The following PTAFR variants were observed in gnomAD, a reference collection of about 807,000 sequenced individuals.
PTAFR encodes platelet activating factor receptor, also known as platelet-activating factor receptor.
PTAFR carries 8 observed loss-of-function variants against 14.7 expected under a neutral mutation model. The observed-to-expected ratio is 0.54, with a 90% confidence interval of 0.32 to 0.98. PTAFR has a LOEUF of 0.98. Ranked by LOEUF, PTAFR falls within the 50% of genes least tolerant of loss-of-function variation. The probability of loss-of-function intolerance (pLI) is 0.04; values close to 1 mark genes in which losing one functional copy is unlikely to be tolerated. For missense variants in PTAFR, 337 were observed against 451.2 expected (o/e 0.75, Z 2.29); for synonymous variants, 156 against 176.5 (o/e 0.88, Z 0.92).
At position 28,189,456 on chromosome 1, in the gene PTAFR, T is replaced by A. The variant is rs371929109; in HGVS notation, c.-39+4266A>T. 7.3e-5 allele frequency among the ~76,000 whole-genome samples: 11 copies of A among 151,340 alleles called. No homozygotes were observed. The East Asian group carries it at 7.9e-4, about 11-fold the overall frequency. ...GTAAAACCCCATCTCTACTTTTTAA[T>A]ACAAAAATTAGCCGGGCATGGTGGC... On this transcript the variant is annotated intron_variant, in intron 1 of 1. Transcript: ENST00000305392.
upstream of PTAFR, among the ~76,000 whole-genome samples, chr1:28,179,195 C>G (rs1307549452): frequency 6.6e-6 from 1 of 152,132 alleles, no homozygotes; most frequent in Admixed American, 6.6e-5. Context: ...AACAGTTTCA[C>G]CTCAGCCCTC....
chr1:28,177,568 T>G (rs564947242), upstream of PTAFR, among the ~76,000 whole-genome samples: 4 of 152,314 alleles, frequency 2.6e-5, no homozygotes, highest in Admixed American at 6.5e-5. Flanking sequence ...GTTTGTTTTT[T>G]TGTTCATGCG....
At chr1:28,166,042 C>T (rs1646381806) in intron 1 of PTAFR, among the ~76,000 whole-genome samples, 1 of 152,126 alleles carries the variant, frequency 6.6e-6, no homozygotes, top group Admixed American at 6.6e-5. Context: ...TGAAAGACAA[C>T]TCCTGATTTC....
rs146272127 is a variant in PTAFR at position 28,188,271 on chromosome 1, C to T, written c.-39+5451G>A. 8.6e-3 allele frequency among the ~76,000 whole-genome samples: 1,313 copies of T among 152,276 alleles called. 23 individuals are homozygous for T. Among genetic ancestry groups the T allele is most frequent in the East Asian group, 0.012 (62 of 5,190 alleles). On this transcript the variant is annotated intron_variant, in intron 1 of 1. Transcript: ENST00000305392. ...GACCAGCTTGGGCAACGTATCAAGA[C>T]GCTGTCTCTACTAAAAATACAAAAA...
intron 1 of PTAFR, among the ~76,000 whole-genome samples, chr1:28,166,178 G>A (rs1646383089): frequency 6.6e-6 from 1 of 152,126 alleles, no homozygotes; most frequent in South Asian, 2.1e-4. Flanking sequence ...AATAATCTTT[G>A]ACAAGAGGAC....
chr1:28,193,602 A>T (rs1646674778), intron 1 of PTAFR: 1 of 153,244 alleles, frequency 6.5e-6, no homozygotes, highest in African/African-American at 2.4e-5. Flanking sequence ...ACAGGAGGGA[A>T]ATCAGACATC....
chr1:28,192,637 G>A (rs748878140), intron 1 of PTAFR, among the ~76,000 whole-genome samples: 1 of 146,978 alleles, frequency 6.8e-6, no homozygotes, highest in Non-Finnish European at 1.5e-5. Context: ...TAAATGCTGG[G>A]TTTTTTTTTT....
chr1:28,164,785 C>G (rs1646363773), intron 1 of PTAFR, among the ~76,000 whole-genome samples: 1 of 152,202 alleles, frequency 6.6e-6, no homozygotes, highest in Non-Finnish European at 1.5e-5. Context: ...ACCTGTCTTA[C>G]AGCCTGAGAA....
At chr1:28,171,101 T>A (rs935254489) in intron 1 of PTAFR, among the ~76,000 whole-genome samples, 4 of 152,012 alleles carry the variant, frequency 2.6e-5, no homozygotes. Flanking sequence ...GGCAGGCAGA[T>A]CACCTGAGGT....
chr1:28,171,682 G>A (rs997922277), intron 1 of PTAFR, among the ~76,000 whole-genome samples: 1 of 152,160 alleles, frequency 6.6e-6, no homozygotes, highest in African/African-American at 2.4e-5. Flanking sequence ...AGAGGTTACG[G>A]ACAGGGTCTA....
intron 1 of PTAFR, among the ~76,000 whole-genome samples, chr1:28,193,133 G>A (rs1445201114): frequency 6.6e-6 from 1 of 152,094 alleles, no homozygotes; most frequent in African/African-American, 2.4e-5. Flanking sequence ...CTAGGGGAAG[G>A]GGAGTTCTGT....
chr1:28,175,684 G>A (rs1244661603), intron 1 of PTAFR, among the ~76,000 whole-genome samples: 1 of 151,958 alleles, frequency 6.6e-6, no homozygotes, highest in Non-Finnish European at 1.5e-5. Flanking sequence ...TTGTGGGCTT[G>A]GCCCTGTGTA....
intron 1 of PTAFR, among the ~76,000 whole-genome samples, chr1:28,193,553 G>A (rs1646674031): frequency 6.6e-6 from 1 of 152,002 alleles, no homozygotes; most frequent in African/African-American, 2.4e-5. Context: ...TGTGTCTGTG[G>A]GCAACAAAGA....
chr1:28,169,845 CA>C (rs1191450519), intron 1 of PTAFR, among the ~76,000 whole-genome samples: 1 of 152,024 alleles, frequency 6.6e-6, no homozygotes, highest in Non-Finnish European at 1.5e-5. Context: ...ACTAAAAATA[CA>C]AAAATTAACC....
intron 1 of PTAFR, among the ~76,000 whole-genome samples, chr1:28,166,707 T>C (rs1428900972): frequency 6.6e-6 from 1 of 150,408 alleles, no homozygotes; most frequent in Non-Finnish European, 1.5e-5. Context: ...CCAGATACAG[T>C]GGCTCATGCC....
chr1:28,150,172 T>C lies in PTAFR; in HGVS notation c.850A>G (p.Thr284Ala). Residue 284 changes from threonine to alanine, a missense_variant, in exon 2 of 2, where the codon ACC (threonine) becomes GCC (alanine). Physicochemically the swap from Thr to Ala is moderately conservative, Grantham distance 58 (BLOSUM62 0). Transcript: ENST00000373857. The surrounding 1 kb of genome is among the most constrained non-coding windows in gnomAD (Gnocchi z 6.3). ...ATAACAGGGTCTAAGACACAGTTGG[T>C]GCTAAGGAGGCAGAGGGTGACCTGA... Reference protein sequence around the residue: ...AHQVTLCLLSTNCVLDPVIYC... With the variant: ...AHQVTLCLLSANCVLDPVIYC... 1 of 1,614,138 alleles carries C rather than the reference T, an allele frequency of 6.2e-7. No homozygotes were observed. The highest frequency in any genetic ancestry group is 8.5e-7 in the Non-Finnish European group (1 of 1,180,012).
In PTAFR at chr1:28,150,781, C is replaced by T; in HGVS notation, c.241G>A (p.Gly81Ser). The change falls in exon 2 of 2, where the codon GGC becomes AGC. Residue 81 changes from glycine (G) to serine (S), a missense_variant. Gly to Ser is a moderately conservative substitution (Grantham distance 56, BLOSUM62 0). Coordinates refer to ENST00000373857, the MANE Select transcript of PTAFR (RefSeq NM_000952.5). The surrounding 1 kb of genome is among the most constrained non-coding windows in gnomAD (Gnocchi z 6.3). The stretch of plus-strand genomic sequence containing the variant: ...AGGAATTTGGGGAGTATCCAGTTGC[C>T]CTGGTTTTGGTAGTAGACAATCCAA... Reference protein sequence around the residue: ...PLWIVYYQNQGNWILPKFLCN... With the variant: ...PLWIVYYQNQSNWILPKFLCN... 1 of 1,614,064 alleles carries T rather than the reference C, an allele frequency of 6.2e-7. No individual in the cohort carries two copies. Among genetic ancestry groups the T allele is most frequent in the East Asian group, 2.2e-5 (1 of 44,876 alleles).
chr1:28,160,612 A>C (rs1171879005), intron 1 of PTAFR, among the ~76,000 whole-genome samples: 1 of 136,942 alleles, frequency 7.3e-6, no homozygotes, highest in Non-Finnish European at 1.5e-5. Flanking sequence ...TTGTGCCTGC[A>C]TGCTAATCTC....
At chr1:28,165,675 C>G (rs1247663593) in intron 1 of PTAFR, among the ~76,000 whole-genome samples, 1 of 151,376 alleles carries the variant, frequency 6.6e-6, no homozygotes, top group Non-Finnish European at 1.5e-5. Context: ...CCCAGCTACT[C>G]GGGAGGCTGA....
Sources: allele counts gnomAD v4.1 joint callset (sites outside exome capture counted in the v4.1 genomes callset), GRCh38; gene constraint gnomAD v4.1.1; non-coding constraint Gnocchi (gnomAD v3.1); transcripts MANE v1.5; gene names NCBI Gene and HGNC (gene_info 2026-07-23, HGNC 2026-07-21).